The following KCNH7 variants were observed in gnomAD, a reference collection of about 807,000 sequenced individuals.
KCNH7 encodes potassium voltage-gated channel subfamily H member 7.
Under a neutral mutation model 120.8 loss-of-function variants are expected in KCNH7, and 49 were observed. That is an observed-to-expected ratio of 0.41 (90% confidence interval 0.32 to 0.51). The LOEUF is 0.51. KCNH7 is among the 20% of genes least tolerant of loss of function. KCNH7 has a pLI of 0.38. For missense variants in KCNH7, 1,097 were observed against 1,446.6 expected (o/e 0.76, Z 3.92); for synonymous variants, 547 against 516.1 (o/e 1.06, Z -0.81).
intron 2 of KCNH7, among the ~76,000 whole-genome samples, chr2:162,569,710 A>G (rs1454691369): frequency 6.6e-6 from 1 of 152,016 alleles, no homozygotes; most frequent in Admixed American, 6.6e-5. Context: ...AATGCATCCC[A>G]TAGATTCTGG....
intron 2 of KCNH7, among the ~76,000 whole-genome samples, chr2:162,833,288 T>A (rs982140523): frequency 2.6e-5 from 4 of 151,740 alleles, no homozygotes; most frequent in Admixed American, 1.3e-4. Flanking sequence ...ACTAAAATAT[T>A]TTTTTTTTCT....
chr2:162,574,603 A>T (rs970908301), intron 2 of KCNH7, among the ~76,000 whole-genome samples: 1 of 152,120 alleles, frequency 6.6e-6, no homozygotes, highest in Non-Finnish European at 1.5e-5. Flanking sequence ...ATTCAATGTT[A>T]TGAATGCCAC....
intron 2 of KCNH7, among the ~76,000 whole-genome samples, chr2:162,758,483 CAT>C (rs1487104312): frequency 2.6e-5 from 4 of 151,862 alleles, no homozygotes; most frequent in African/African-American, 4.8e-5. Flanking sequence ...TATACACACA[CAT>C]ATTGTTTATA....
At chr2:162,509,915 G>A (rs1382137484) in intron 5 of KCNH7, among the ~76,000 whole-genome samples, 1 of 151,582 alleles carries the variant, frequency 6.6e-6, no homozygotes, top group Admixed American at 6.6e-5. Context: ...ATAGCAAGGA[G>A]GTGGGAGCAT....
At chr2:162,601,451 T>A in intron 2 of KCNH7, among the ~76,000 whole-genome samples, 1 of 147,236 alleles carries the variant, frequency 6.8e-6, no homozygotes, top group African/African-American at 2.5e-5. Context: ...TTTTAACATT[T>A]CTTACATGGA....
intron 1 of KCNH7, among the ~76,000 whole-genome samples, 164 bp downstream of exon 1, chr2:162,838,279 C>A (rs1179266966): frequency 5.3e-5 from 8 of 152,256 alleles, no homozygotes; most frequent in Admixed American, 6.5e-5. Flanking sequence ...AAATTAATAT[C>A]AGAAGAACAC....
chr2:162,463,538 C>A (rs1395142913), intron 6 of KCNH7, among the ~76,000 whole-genome samples: 1 of 151,814 alleles, frequency 6.6e-6, no homozygotes, highest in African/African-American at 2.4e-5. Flanking sequence ...CTTAAACGAC[C>A]CCACATGCAT....
chr2:162,652,748 A>G (rs1336607320), intron 2 of KCNH7, among the ~76,000 whole-genome samples: 2 of 152,172 alleles, frequency 1.3e-5, no homozygotes, highest in Non-Finnish European at 2.9e-5. Flanking sequence ...GTTGTACAGT[A>G]ATAGTGCACT....
At chr2:162,807,537 T>C (rs955826556) in intron 2 of KCNH7, among the ~76,000 whole-genome samples, 11 of 152,122 alleles carry the variant, frequency 7.2e-5, no homozygotes, top group Non-Finnish European at 1.3e-4. Flanking sequence ...AGTTTGTGGC[T>C]TTTTTGTATT....
chr2:162,837,867 G>A (rs1339199144), intron 1 of KCNH7, among the ~76,000 whole-genome samples: 1 of 152,080 alleles, frequency 6.6e-6, no homozygotes, highest in Non-Finnish European at 1.5e-5. Context: ...TTTGCATCGG[G>A]AACCAGCACA....
At chr2:162,756,187 G>A (rs182551105) in intron 2 of KCNH7, among the ~76,000 whole-genome samples, 4 of 152,068 alleles carry the variant, frequency 2.6e-5, no homozygotes, top group African/African-American at 7.2e-5. Context: ...TCTTTCATTC[G>A]AAGTAAATCA....
At chr2:162,378,945 T>A (rs1434711557) in intron 14 of KCNH7, among the ~76,000 whole-genome samples, 1 of 152,220 alleles carries the variant, frequency 6.6e-6, no homozygotes, top group African/African-American at 2.4e-5. Flanking sequence ...GTAACTTCGT[T>A]ACATTATGGC....
chr2:162,533,648 G>C (rs1692009964), intron 3 of KCNH7, among the ~76,000 whole-genome samples: 1 of 151,486 alleles, frequency 6.6e-6, no homozygotes, highest in Non-Finnish European at 1.5e-5. Context: ...GAATATCTAT[G>C]AAATAAACAA....
intron 8 of KCNH7, among the ~76,000 whole-genome samples, chr2:162,434,230 A>G (rs1051490096): frequency 5.3e-5 from 8 of 152,016 alleles, no homozygotes; most frequent in Admixed American, 1.3e-4. Flanking sequence ...GGACTAGTAG[A>G]GTGAGATAAA....
At chr2:162,482,549 A>G (rs1223967462) in intron 6 of KCNH7, among the ~76,000 whole-genome samples, 1 of 152,102 alleles carries the variant, frequency 6.6e-6, no homozygotes, top group Non-Finnish European at 1.5e-5. Flanking sequence ...TTACAATATA[A>G]AAGTTTTCTC....
chr2:162,529,579 A>C (rs1485212670), intron 3 of KCNH7, among the ~76,000 whole-genome samples: 7 of 152,008 alleles, frequency 4.6e-5, no homozygotes, highest in Admixed American at 4.6e-4. Flanking sequence ...TAATTTATTT[A>C]AAACAGTAAA....
Position 162,836,592 on chromosome 2 carries a change from C to T in KCNH7, c.252G>A (p.Gln84=), listed in dbSNP as rs1466709779. 1.2e-6 allele frequency: 2 copies of T among 1,614,044 alleles called. No individual in the cohort carries two copies. Among genetic ancestry groups the T allele is most frequent in the South Asian group, 1.1e-5 (1 of 91,070 alleles). ...TKRHDIAQIA[Q]ALLGSEERKV... ...TCCTCTCTTCTGACCCCAGCAATGC[C>T]TGGGCAATTTGGGCAATATCATGCC... Residue 84 remains glutamine, a synonymous_variant, in exon 2 of 16, where the codon CAG becomes CAA. Transcript: ENST00000332142.
chr2:162,657,252 G>C (rs1037943539), intron 2 of KCNH7, among the ~76,000 whole-genome samples: 2 of 152,074 alleles, frequency 1.3e-5, no homozygotes, highest in African/African-American at 4.8e-5. Flanking sequence ...TATATCCAGC[G>C]CTATAGTTTC....
At position 162,533,545 on chromosome 2, in the gene KCNH7, T is replaced by A. The variant is rs1692005470; in HGVS notation, c.463+3380A>T. Among the ~76,000 whole-genome samples, 3 of 151,656 alleles carry A rather than the reference T, an allele frequency of 2.0e-5. No individual in the cohort carries two copies. In the South Asian group the frequency reaches 6.2e-4, roughly 31 times the overall value. On this transcript the variant is annotated intron_variant, in intron 3 of 15. Coordinates refer to ENST00000332142, the MANE Select transcript of KCNH7 (RefSeq NM_033272.4). ...TCATGATTTAAGATACAGTAGAATT[T>A]AGGGGGAAAATTAGTAAACAAAAAT...
Sources: gnomAD v4.1 joint callset for allele counts (sites outside exome capture counted in the v4.1 genomes callset) on GRCh38, gnomAD v4.1.1 for gene constraint, MANE v1.5 for transcripts, NCBI Gene and HGNC (gene_info 2026-07-23, HGNC 2026-07-21) for gene names.